Variants in SLC38A12 observed in about 807,000 individuals in gnomAD.
SLC38A12 encodes solute carrier family 38 member 12.
the SLC38A12 span, among the ~76,000 whole-genome samples, chr17:74,810,601 G>A: frequency 6.6e-5 from 10 of 152,300 alleles, no homozygotes; most frequent in South Asian, 2.1e-4. Context: ...TCATGCTTGC[G>A]TTGGTGTCTA....
chr17:74,823,138 G>A, the SLC38A12 span, among the ~76,000 whole-genome samples: 117 of 152,174 alleles, frequency 7.7e-4, no homozygotes, highest in Non-Finnish European at 1.6e-4. Context: ...CCACACTCGC[G>A]CCGCACCCCT....
chr17:74,829,581 C>T, the SLC38A12 span, among the ~76,000 whole-genome samples: 2 of 152,212 alleles, frequency 1.3e-5, no homozygotes, highest in African/African-American at 4.8e-5. This position sits in a 1 kb window ranked among gnomAD's most constrained non-coding sequence, Gnocchi z 4.1. Flanking sequence ...GGGCGGCATT[C>T]AGGCTGCCCA....
chr17:74,831,322 C>A, the SLC38A12 span, among the ~76,000 whole-genome samples: 6 of 152,184 alleles, frequency 3.9e-5, no homozygotes, highest in Admixed American at 6.5e-5. Context: ...GTGTGCTGTC[C>A]CCAGATGGCC....
At chr17:74,794,910 G>A in the SLC38A12 span, 19 of 932,938 alleles carry the variant, frequency 2.0e-5, no homozygotes, top group East Asian at 2.4e-4. Context: ...AGAACTGAAA[G>A]CTATGGGAGA....
the SLC38A12 span, among the ~76,000 whole-genome samples, chr17:74,778,992 C>T: frequency 2.0e-5 from 3 of 152,084 alleles, no homozygotes; most frequent in Non-Finnish European, 2.9e-5. Context: ...TTTCATGAAC[C>T]CTGGAATGGA....
the SLC38A12 span, among the ~76,000 whole-genome samples, chr17:74,816,548 T>C: frequency 6.6e-6 from 1 of 152,358 alleles, no homozygotes; most frequent in East Asian, 1.9e-4. Flanking sequence ...CCTGGTGTTA[T>C]CTAAACTCAC....
chr17:74,805,096 G>C, the SLC38A12 span, among the ~76,000 whole-genome samples: 1 of 152,270 alleles, frequency 6.6e-6, no homozygotes. The surrounding 1 kb of genome is among the most constrained non-coding windows in gnomAD (Gnocchi z 5.0). Context: ...GGAGAATTCT[G>C]TGTGCTTTTC....
chr17:74,822,024 C>T, the SLC38A12 span, among the ~76,000 whole-genome samples: 32 of 152,282 alleles, frequency 2.1e-4, no homozygotes, highest in African/African-American at 6.5e-4. Flanking sequence ...TAATGGCTTC[C>T]GAAGACCCCT....
the SLC38A12 span, chr17:74,838,293 C>T: frequency 1.0e-6 from 1 of 985,986 alleles, no homozygotes; most frequent in South Asian, 4.7e-5. Context: ...TTGCGACTTC[C>T]TCCCAGGAGG....
At chr17:74,825,262 C>G in the SLC38A12 span, among the ~76,000 whole-genome samples, 2 of 152,252 alleles carry the variant, frequency 1.3e-5, no homozygotes, top group Non-Finnish European at 2.9e-5. Context: ...GGGCCACTGT[C>G]CAGGGCTCTC....
chr17:74,784,038 T>TAAA, the SLC38A12 span, among the ~76,000 whole-genome samples: 126 of 146,026 alleles, frequency 8.6e-4, no homozygotes, highest in African/African-American at 3.0e-3. Context: ...CTTCATGCTT[T>TAAA]AAAAAAAAAA....
At chr17:74,836,552 C>A in the SLC38A12 span, 26 of 1,613,410 alleles carry the variant, frequency 1.6e-5, no homozygotes, top group African/African-American at 5.3e-5. The surrounding 1 kb of genome is among the most constrained non-coding windows in gnomAD (Gnocchi z 4.2). Context: ...CCCAGCTGGC[C>A]TTTGGCTGTG....
At chr17:74,787,216 C>T in the SLC38A12 span, among the ~76,000 whole-genome samples, 1 of 152,108 alleles carries the variant, frequency 6.6e-6, no homozygotes, top group Non-Finnish European at 1.5e-5. Flanking sequence ...GCCAAGTGAC[C>T]CCTCTGCCTC....
At chr17:74,802,903 C>T in the SLC38A12 span, among the ~76,000 whole-genome samples, 3 of 152,130 alleles carry the variant, frequency 2.0e-5, no homozygotes, top group Non-Finnish European at 4.4e-5. Flanking sequence ...GTGGGGAAAA[C>T]GGCAGTGTAA....
chr17:74,797,245 A>G, the SLC38A12 span, among the ~76,000 whole-genome samples: 2 of 152,192 alleles, frequency 1.3e-5, no homozygotes, highest in African/African-American at 4.8e-5. Context: ...CTTCCACATG[A>G]TGGAAGCCTC....
At chr17:74,777,464 T>G in the SLC38A12 span, 1 of 1,593,682 alleles carries the variant, frequency 6.3e-7, no homozygotes, top group Non-Finnish European at 8.6e-7. Context: ...GACTAGTGAG[T>G]GCTGCTGCTT....
chr17:74,824,538 G>A, the SLC38A12 span, among the ~76,000 whole-genome samples: 3 of 152,182 alleles, frequency 2.0e-5, no homozygotes, highest in African/African-American at 7.2e-5. Context: ...ACAGATGCCT[G>A]CAGGCGCCTC....
chr17:74,815,317 C>T, the SLC38A12 span, among the ~76,000 whole-genome samples: 562 of 152,276 alleles, frequency 3.7e-3, no homozygotes, highest in Admixed American at 5.0e-3. Context: ...GATCAAAGGA[C>T]CAGTGGCTGG....
chr17:74,777,882 C>T, the SLC38A12 span: 1 of 336,180 alleles, frequency 3.0e-6, no homozygotes, highest in Non-Finnish European at 5.8e-6. Flanking sequence ...CCGTTGCACT[C>T]CAGCCTGGGC....
Sources: gnomAD v4.1 joint callset for allele counts (sites outside exome capture counted in the v4.1 genomes callset) on GRCh38, gnomAD v4.1.1 for gene constraint, Gnocchi (gnomAD v3.1) non-coding constraint, MANE v1.5 for transcripts, NCBI Gene and HGNC (gene_info 2026-07-23, HGNC 2026-07-21) for gene names.